Variants in DCAF6 observed in about 807,000 individuals in gnomAD.
The protein encoded by DCAF6 is DDB1- and CUL4-associated factor 6.
A neutral mutation model predicts 125.1 loss-of-function variants in DCAF6; 54 were observed. That is an observed-to-expected ratio of 0.43 (90% CI 0.35 to 0.54). DCAF6 has a LOEUF of 0.54. DCAF6 is among the 20% of genes least tolerant of loss of function. The probability of loss-of-function intolerance (pLI) is 0.01; values close to 1 mark genes in which losing one functional copy is unlikely to be tolerated. For missense variants in DCAF6, 934 were observed against 1,161.7 expected (o/e 0.80, Z 2.85); for synonymous variants, 371 against 390.4 (o/e 0.95, Z 0.58).
At chr1:167,969,470 G>C in intron 3 of DCAF6, among the ~76,000 whole-genome samples, 1 of 152,168 alleles carries the variant, frequency 6.6e-6, no homozygotes. Context: ...TTCATATATA[G>C]AGGAAGTATA....
At chr1:167,923,760 T>A in the DCAF6 span, among the ~76,000 whole-genome samples, 1 of 151,626 alleles carries the variant, frequency 6.6e-6, no homozygotes. Context: ...TAGAGAATCA[T>A]CCGAAGAGGT....
the DCAF6 span, among the ~76,000 whole-genome samples, chr1:167,900,480 A>G: frequency 1.3e-5 from 2 of 152,180 alleles, no homozygotes; most frequent in African/African-American, 4.8e-5. Context: ...CTTAGAAAAA[A>G]TATTCAGTAT....
the DCAF6 span, chr1:167,899,448 C>T: frequency 6.2e-7 from 1 of 1,614,208 alleles, no homozygotes. Context: ...ATCTGGAACA[C>T]TCTCAATTTC....
At chr1:167,966,251 G>T (rs1203497656) in intron 2 of DCAF6, among the ~76,000 whole-genome samples, 1 of 152,236 alleles carries the variant, frequency 6.6e-6, no homozygotes, top group African/African-American at 2.4e-5. Context: ...GAAACTGGAA[G>T]CTTGTTTTTT....
At chr1:167,905,703 A>G in the DCAF6 span, among the ~76,000 whole-genome samples, 18 of 152,202 alleles carry the variant, frequency 1.2e-4, no homozygotes, top group Middle Eastern at 3.4e-3. Flanking sequence ...CTATAAAGGT[A>G]TAATGTTAAA....
the DCAF6 span, among the ~76,000 whole-genome samples, chr1:167,892,027 G>T: frequency 1.3e-5 from 2 of 150,046 alleles, no homozygotes; most frequent in Non-Finnish European, 3.0e-5. Flanking sequence ...AGGCTGGAGT[G>T]CAGTGGAGCA....
chr1:168,028,971 T>G (rs1409163855), intron 12 of DCAF6, among the ~76,000 whole-genome samples: 1 of 152,188 alleles, frequency 6.6e-6, no homozygotes, highest in Non-Finnish European at 1.5e-5. Context: ...AAAATTTCAT[T>G]CTAAATTCTT....
chr1:167,932,567 G>C (rs1396559322), upstream of DCAF6, among the ~76,000 whole-genome samples: 1 of 152,062 alleles, frequency 6.6e-6, no homozygotes, highest in Non-Finnish European at 1.5e-5. Context: ...CCAGCACTTT[G>C]GGAGGCCAAG....
chr1:168,030,848 AG>A (rs1686994880), intron 12 of DCAF6, among the ~76,000 whole-genome samples: 1 of 152,164 alleles, frequency 6.6e-6, no homozygotes, highest in Non-Finnish European at 1.5e-5. Flanking sequence ...GTACTGTTGG[AG>A]ATTAACAGGT....
chr1:168,040,352 G>A (rs1688366785), intron 13 of DCAF6, among the ~76,000 whole-genome samples: 1 of 151,960 alleles, frequency 6.6e-6, no homozygotes, highest in South Asian at 2.1e-4. Flanking sequence ...TATTTAAAAG[G>A]AAAAGGTTAT....
the DCAF6 span, among the ~76,000 whole-genome samples, chr1:167,925,462 T>C: frequency 8.4e-6 from 1 of 119,552 alleles, no homozygotes; most frequent in African/African-American, 3.8e-5. Context: ...TATATATATA[T>C]ATATATATAT....
chr1:167,905,265 TC>T, the DCAF6 span: 1 of 1,227,532 alleles, frequency 8.1e-7, no homozygotes, highest in Admixed American at 1.8e-5. Flanking sequence ...TTGCTCTTTC[TC>T]CATTTGTTTT....
rs201683584 is a variant in DCAF6 at position 168,038,497 on chromosome 1, A to C, written c.1727+9A>C. The C allele has an allele frequency of 3.6e-5, 56 of 1,547,282 alleles. No homozygotes were observed. The African/African-American group carries it at 6.9e-4, about 19-fold the overall frequency. ...AACTTTACAGATGAATGGTAAGTTA[A>C]TATTTTTGTAAAGATGTTCTTAGCC... On this transcript the variant is annotated intron_variant, in intron 13 of 21. Transcript: ENST00000367840.
chr1:167,975,348 T>G (rs1414467069), intron 4 of DCAF6, among the ~76,000 whole-genome samples: 1 of 152,218 alleles, frequency 6.6e-6, no homozygotes, highest in Admixed American at 6.5e-5. Context: ...CTTTACCCTT[T>G]TAAACAATCG....
intron 1 of DCAF6, among the ~76,000 whole-genome samples, chr1:167,951,131 C>T (rs116630188): frequency 6.6e-6 from 1 of 152,282 alleles, no homozygotes; most frequent in African/African-American, 2.4e-5. Context: ...CATAAGCAGG[C>T]AGAAATCTTT....
the DCAF6 span, chr1:167,901,578 A>T: frequency 1.5e-6 from 2 of 1,368,746 alleles, no homozygotes; most frequent in Admixed American, 3.4e-5. Flanking sequence ...ATGTTCTACT[A>T]CTTCTCTTTG....
intron 13 of DCAF6, 107 bp downstream of exon 13, chr1:168,038,595 T>C: frequency 1.3e-6 from 1 of 787,078 alleles, no homozygotes; most frequent in Non-Finnish European, 2.0e-6. Context: ...CTATAAGGTA[T>C]TGGTTTTCAA....
the DCAF6 span, among the ~76,000 whole-genome samples, chr1:167,915,395 A>C: frequency 1.3e-5 from 2 of 152,246 alleles, no homozygotes; most frequent in African/African-American, 4.8e-5. Flanking sequence ...TTTTTGTAGT[A>C]AAATTAAAAC....
At chr1:167,927,131 C>G in the DCAF6 span, among the ~76,000 whole-genome samples, 1 of 152,192 alleles carries the variant, frequency 6.6e-6, no homozygotes, top group Non-Finnish European at 1.5e-5. Context: ...GATATTCAAA[C>G]TTTCTGTCTG....
Sources: gnomAD v4.1 joint callset for allele counts (sites outside exome capture counted in the v4.1 genomes callset) on GRCh38, gnomAD v4.1.1 for gene constraint, MANE v1.5 for transcripts, NCBI Gene and HGNC (gene_info 2026-07-23, HGNC 2026-07-21) for gene names.